BARX2: variants seen among roughly 807,000 people sequenced by gnomAD.
BARX2 encodes homeobox protein BarH-like 2.
In BARX2, 11 loss-of-function variants were observed where a neutral mutation model predicts 25.5. The observed-to-expected ratio is 0.43, with a 90% confidence interval of 0.27 to 0.71. The LOEUF (loss-of-function observed/expected upper bound fraction) is 0.71, where lower values mean the gene tolerates loss of function less well. BARX2 is among the 30% of genes least tolerant of loss of function. The pLI, the probability that BARX2 is intolerant of heterozygous loss-of-function variation, is 0.19. For missense variants in BARX2, 360 were observed against 359.9 expected (o/e 1.00, Z 0.00); for synonymous variants, 137 against 149.5 (o/e 0.92, Z 0.61).
At chr11:129,396,676 G>A (rs1655246846) in intron 1 of BARX2, among the ~76,000 whole-genome samples, 1 of 152,080 alleles carries the variant, frequency 6.6e-6, no homozygotes, top group South Asian at 2.1e-4. Flanking sequence ...ACAGTGCATA[G>A]CAACTCTTCA....
intron 1 of BARX2, among the ~76,000 whole-genome samples, chr11:129,426,899 T>C (rs1862069624): frequency 6.6e-6 from 1 of 152,134 alleles, no homozygotes; most frequent in Non-Finnish European, 1.5e-5. Flanking sequence ...TTCCTCTGAC[T>C]TCTCTGAGCT....
At chr11:129,431,135 G>A (rs927048302) in intron 1 of BARX2, among the ~76,000 whole-genome samples, 9 of 152,144 alleles carry the variant, frequency 5.9e-5, no homozygotes, top group Non-Finnish European at 8.8e-5. Flanking sequence ...TGCATCAATC[G>A]TTTTATTGCT....
At chr11:129,426,398 A>C (rs1862063368) in intron 1 of BARX2, among the ~76,000 whole-genome samples, 1 of 151,026 alleles carries the variant, frequency 6.6e-6, no homozygotes, top group Non-Finnish European at 1.5e-5. Flanking sequence ...TTTGAGACAG[A>C]GTCTCACTCT....
intron 1 of BARX2, among the ~76,000 whole-genome samples, chr11:129,386,688 A>G: frequency 6.6e-6 from 1 of 152,344 alleles, no homozygotes; most frequent in East Asian, 1.9e-4. Flanking sequence ...CCCAACACCA[A>G]AGACGTTTTT....
intron 1 of BARX2, among the ~76,000 whole-genome samples, chr11:129,407,857 G>T (rs1365516990): frequency 6.6e-6 from 1 of 151,878 alleles, no homozygotes; most frequent in Non-Finnish European, 1.5e-5. Flanking sequence ...GTGGAGGAGG[G>T]TGTGGATGGG....
At chr11:129,428,494 A>C in intron 1 of BARX2, among the ~76,000 whole-genome samples, 1 of 152,142 alleles carries the variant, frequency 6.6e-6, no homozygotes, top group African/African-American at 2.4e-5. Context: ...ACTTTTTTGC[A>C]AGAGTAGGAA....
At chr11:129,375,665 G>A (rs1861493538), upstream of BARX2, among the ~76,000 whole-genome samples, 1 of 152,002 alleles carries the variant, frequency 6.6e-6, no homozygotes, top group Admixed American at 6.5e-5. The surrounding 1 kb of genome is among the most constrained non-coding windows in gnomAD (Gnocchi z 4.0). Flanking sequence ...CACCAGAGCG[G>A]GAGGCAGCGA....
intron 1 of BARX2, among the ~76,000 whole-genome samples, chr11:129,402,106 G>A (rs1045523962): frequency 2.0e-5 from 3 of 151,494 alleles, no homozygotes; most frequent in Non-Finnish European, 4.4e-5. Flanking sequence ...TCATCGTAGT[G>A]TATGGGATGA....
intron 1 of BARX2, among the ~76,000 whole-genome samples, chr11:129,406,565 G>A (rs1357576794): frequency 6.6e-6 from 1 of 151,750 alleles, no homozygotes; most frequent in African/African-American, 2.4e-5. Context: ...TAGTGTAGGA[G>A]AGGTGGCTGC....
intron 2 of BARX2, chr11:129,437,750 G>C (rs1412678597): frequency 6.6e-6 from 1 of 152,562 alleles, no homozygotes; most frequent in Non-Finnish European, 1.5e-5. Flanking sequence ...GTCTGGGCCG[G>C]GTATTGTGGC....
chr11:129,383,089 G>A (rs1035607329), intron 1 of BARX2, among the ~76,000 whole-genome samples: 8 of 152,180 alleles, frequency 5.3e-5, no homozygotes, highest in African/African-American at 1.7e-4. Context: ...TACAAACTTG[G>A]TGGCATTCAC....
intron 3 of BARX2, among the ~76,000 whole-genome samples, chr11:129,447,007 A>G (rs775270185): frequency 2.0e-5 from 3 of 152,220 alleles, no homozygotes; most frequent in Non-Finnish European, 4.4e-5. Context: ...ATAAATAACC[A>G]GACGTAGAAC....
intron 1 of BARX2, among the ~76,000 whole-genome samples, chr11:129,429,500 G>C (rs999015066): frequency 1.1e-4 from 16 of 152,198 alleles, no homozygotes; most frequent in African/African-American, 2.9e-4. Context: ...ACTCCAGCCT[G>C]GGTGGCAGAG....
chr11:129,391,876 G>T (rs182168050), intron 1 of BARX2, among the ~76,000 whole-genome samples: 67 of 152,328 alleles, frequency 4.4e-4, no homozygotes, highest in African/African-American at 1.5e-3. Context: ...GAGGCTGGGC[G>T]TGTCAGCATC....
At chr11:129,421,306 T>A (rs1862001795) in intron 1 of BARX2, among the ~76,000 whole-genome samples, 1 of 152,238 alleles carries the variant, frequency 6.6e-6, no homozygotes, top group South Asian at 2.1e-4. Flanking sequence ...ATGCACTGGC[T>A]GCCATTTATT....
In BARX2 at chr11:129,436,784, C is replaced by T. The variant is rs551250441; in HGVS notation, c.221C>T (p.Ser74Leu). ...TCCCTGCGGGCATATCCGCTCCTCT[C>T]GGTGATCACCCGCCAGCCCACTGTC... The part of the protein sequence containing the change: ...SPSLRAYPLL[S>L]VITRQPTVIS... Residue 74 changes from serine to leucine, a missense_variant, in exon 2 of 4, where the codon TCG becomes TTG. Coordinates refer to ENST00000281437, the MANE Select transcript of BARX2 (RefSeq NM_003658.5). This position sits in a 1 kb window ranked among gnomAD's most constrained non-coding sequence, Gnocchi z 4.5. 3.4e-5 allele frequency: 55 copies of T among 1,607,298 alleles called. No individual in the cohort carries two copies. The South Asian group carries it at 5.5e-4, about 16-fold the overall frequency.
At chr11:129,397,434 T>C (rs1861731719) in intron 1 of BARX2, among the ~76,000 whole-genome samples, 1 of 152,188 alleles carries the variant, frequency 6.6e-6, no homozygotes, top group Non-Finnish European at 1.5e-5. Context: ...TTATAAAAAA[T>C]TGGATTCTAA....
At chr11:129,409,874 T>C (rs1363177254) in intron 1 of BARX2, among the ~76,000 whole-genome samples, 1 of 152,196 alleles carries the variant, frequency 6.6e-6, no homozygotes, top group Non-Finnish European at 1.5e-5. Context: ...TCCTCCATTA[T>C]TTTTTCTTGG....
chr11:129,433,214 G>T (rs909580462), intron 1 of BARX2, among the ~76,000 whole-genome samples: 1 of 152,118 alleles, frequency 6.6e-6, no homozygotes, highest in Admixed American at 6.5e-5. Context: ...AGACCAAAAC[G>T]TCAGGCCTCT....
Sources: gnomAD v4.1 joint callset for allele counts (sites outside exome capture counted in the v4.1 genomes callset) on GRCh38, gnomAD v4.1.1 for gene constraint, Gnocchi (gnomAD v3.1) non-coding constraint, MANE v1.5 for transcripts, NCBI Gene and HGNC (gene_info 2026-07-23, HGNC 2026-07-21) for gene names.